Variants in ANO3 observed in about 807,000 individuals in gnomAD.
ANO3 encodes the protein anoctamin-3.
In ANO3, 99 loss-of-function variants were observed where a neutral mutation model predicts 144.8. The observed-to-expected ratio is 0.68, with a 90% confidence interval of 0.58 to 0.81. ANO3 has a LOEUF of 0.81. Among genes scored for constraint, ANO3 ranks in the 30% least tolerant of loss-of-function variants. The pLI is 0.00. For missense variants in ANO3, 905 were observed against 1,202.2 expected, an observed-to-expected ratio of 0.75 and a Z score of 3.66; for synonymous variants, 414 against 392.6, an observed-to-expected ratio of 1.05 and a Z score of -0.64.
At chr11:26,203,779 G>T (rs2133914672) in intron 1 of ANO3, among the ~76,000 whole-genome samples, 1 of 152,178 alleles carries the variant, frequency 6.6e-6, no homozygotes. Flanking sequence ...ACTAAAAATA[G>T]TTAATATGCC....
chr11:26,467,973 T>C (rs1859658927), intron 4 of ANO3, among the ~76,000 whole-genome samples: 1 of 151,884 alleles, frequency 6.6e-6, no homozygotes, highest in Non-Finnish European at 1.5e-5. Context: ...ATGGTTTGGG[T>C]AAATATCGTC....
chr11:26,465,111 C>A lies in ANO3; in HGVS notation c.432+1963C>A, dbSNP rs556196582. ...ATTTGTTGGCCTTTCTCTTATTATA[C>A]CCCATCATTAAATTGTGTGTGTGTG... On this transcript the variant is annotated intron_variant, in intron 4 of 26. Coordinates refer to ENST00000256737, the MANE Select transcript of ANO3 (RefSeq NM_031418.4). 3.1e-4 allele frequency among the ~76,000 whole-genome samples: 45 copies of A among 144,666 alleles called. No individual in the cohort carries two copies. In the South Asian group the frequency reaches 9.5e-3, roughly 31 times the overall value. The allele number at this position is 144,666 out of a possible 152,430, so 94.9% of individuals were successfully genotyped here. A position where few individuals can be genotyped will look rare whatever the true frequency, so the allele number is the denominator to read the frequency against.
chr11:26,532,405 T>C (rs1218869146), intron 8 of ANO3, among the ~76,000 whole-genome samples: 1 of 151,688 alleles, frequency 6.6e-6, no homozygotes, highest in Non-Finnish European at 1.5e-5. Flanking sequence ...AACATTCTAC[T>C]CTTTTTTTTT....
At chr11:26,309,415 A>G (rs1239784214), upstream of ANO3, among the ~76,000 whole-genome samples, 1 of 152,198 alleles carries the variant, frequency 6.6e-6, no homozygotes, top group African/African-American at 2.4e-5. Context: ...ATCAGCTTGC[A>G]TAACAGTGAA....
chr11:26,498,729 T>C (rs1416661369), intron 4 of ANO3, among the ~76,000 whole-genome samples: 3 of 151,888 alleles, frequency 2.0e-5, no homozygotes, highest in South Asian at 2.1e-4. Flanking sequence ...CCTGATCTTT[T>C]CTCTCAATTA....
At chr11:26,583,351 G>A (rs183271417) in intron 14 of ANO3, among the ~76,000 whole-genome samples, 3 of 152,218 alleles carry the variant, frequency 2.0e-5, no homozygotes, top group East Asian at 1.9e-4. Flanking sequence ...CTTATTTAAC[G>A]TTTTTAGAGA....
chr11:26,505,222 A>G (rs904526361), intron 4 of ANO3, among the ~76,000 whole-genome samples: 2 of 152,090 alleles, frequency 1.3e-5, no homozygotes, highest in African/African-American at 4.8e-5. Context: ...GGTAAGAAAA[A>G]GAGCTAGAAA....
chr11:26,648,425 G>T (rs1033028576), intron 24 of ANO3, among the ~76,000 whole-genome samples: 1 of 152,094 alleles, frequency 6.6e-6, no homozygotes, highest in Non-Finnish European at 1.5e-5. Flanking sequence ...CACTATTGAC[G>T]TTTTAGATCA....
chr11:26,437,618 C>T (rs1258785025), intron 1 of ANO3, among the ~76,000 whole-genome samples: 2 of 75,592 alleles, frequency 2.6e-5, no homozygotes, highest in African/African-American at 1.1e-4. Flanking sequence ...TTTCTTTCCA[C>T]GAGAGTGGGC....
chr11:26,406,653 A>G (rs1857283486), intron 1 of ANO3, among the ~76,000 whole-genome samples: 1 of 149,322 alleles, frequency 6.7e-6, no homozygotes, highest in Non-Finnish European at 1.5e-5. Flanking sequence ...CAGCCCAGTG[A>G]AAGGGGTCCA....
At chr11:26,581,109 C>T (rs1193793910) in intron 14 of ANO3, among the ~76,000 whole-genome samples, 1 of 152,148 alleles carries the variant, frequency 6.6e-6, no homozygotes, top group Non-Finnish European at 1.5e-5. Flanking sequence ...AGCATTCCAG[C>T]CAAGTAACTT....
chr11:26,599,545 T>C lies in ANO3; in HGVS notation c.1672-5T>C. 1 of 1,610,452 alleles carries C rather than the reference T, an allele frequency of 6.2e-7. No homozygotes were observed. Among genetic ancestry groups the C allele is most frequent in the Non-Finnish European group, 8.5e-7 (1 of 1,177,720 alleles). On this transcript the variant is annotated splice_polypyrimidine_tract_variant and splice_region_variant and intron_variant, in intron 16 of 26. Coordinates refer to ENST00000256737, the MANE Select transcript of ANO3 (RefSeq NM_031418.4). ...GGATGTTTTTTCTGGTGTCCAATAT[T>C]GTAGATATCCTTGGTGATCACTGCA...
At chr11:26,534,597 C>T (rs1418913933) in intron 9 of ANO3, 35 bp downstream of exon 9, 8 of 1,438,372 alleles carry the variant, frequency 5.6e-6, no homozygotes, top group Non-Finnish European at 5.8e-6. Context: ...GTAGAACTTG[C>T]TGTTACTATT....
At chr11:26,613,925 G>A (rs937312718) in intron 17 of ANO3, among the ~76,000 whole-genome samples, 1 of 152,230 alleles carries the variant, frequency 6.6e-6, no homozygotes, top group African/African-American at 2.4e-5. Flanking sequence ...TTTCCAGGCT[G>A]GCTGTCAGAA....
chr11:26,598,016 A>C (rs529453392), intron 14 of ANO3, among the ~76,000 whole-genome samples: 7 of 152,254 alleles, frequency 4.6e-5, no homozygotes, highest in African/African-American at 1.7e-4. Context: ...TGATTCTTGG[A>C]GAAGGCTTTA....
chr11:26,350,487 A>G (rs1855618759), intron 1 of ANO3, among the ~76,000 whole-genome samples: 1 of 152,214 alleles, frequency 6.6e-6, no homozygotes, highest in African/African-American at 2.4e-5. Flanking sequence ...TTAAAACTGT[A>G]CCTGCAACAA....
At chr11:26,457,744 CAT>C (rs1859223463) in intron 3 of ANO3, among the ~76,000 whole-genome samples, 1 of 152,096 alleles carries the variant, frequency 6.6e-6, no homozygotes, top group Non-Finnish European at 1.5e-5. Flanking sequence ...TGTTCTTCAA[CAT>C]ATGAAGTGAT....
intron 16 of ANO3, 139 bp from the exon 17 acceptor site, chr11:26,599,411 G>A: frequency 2.2e-6 from 2 of 913,480 alleles, no homozygotes; most frequent in Non-Finnish European, 3.2e-6. Context: ...CCTTAAAGGA[G>A]AAAATTAAAT....
chr11:26,562,043 G>A (rs1263820992), intron 14 of ANO3, among the ~76,000 whole-genome samples: 1 of 151,814 alleles, frequency 6.6e-6, no homozygotes, highest in Non-Finnish European at 1.5e-5. Context: ...TAAAACAGTT[G>A]TTGTGGATTG....
Sources: allele counts gnomAD v4.1 joint callset (sites outside exome capture counted in the v4.1 genomes callset), GRCh38; gene constraint gnomAD v4.1.1; transcripts MANE v1.5; gene names NCBI Gene and HGNC (gene_info 2026-07-23, HGNC 2026-07-21).